The following UBTD1 variants were observed in gnomAD, a reference collection of about 807,000 sequenced individuals.
The protein encoded by UBTD1 is ubiquitin domain containing 1.
UBTD1 carries 19 observed loss-of-function variants against 21.7 expected under a neutral mutation model. The observed-to-expected ratio is 0.87, with a 90% CI of 0.61 to 1.28. UBTD1 has a LOEUF of 1.28. UBTD1 is among the 50% of genes most tolerant of loss of function. The pLI is 0.00. For synonymous variants in UBTD1, 116 were observed against 135.1 expected (o/e 0.86, Z 0.98); for missense variants, 282 against 315.1 (o/e 0.89, Z 0.80).
intron 1 of UBTD1, among the ~76,000 whole-genome samples, chr10:97,504,647 G>T (rs1292823611): frequency 6.6e-6 from 1 of 152,198 alleles, no homozygotes; most frequent in Non-Finnish European, 1.5e-5. Context: ...TGTTGTCAGA[G>T]ATTTTTATTT....
At chr10:97,551,555 C>T (rs919866388) in intron 1 of UBTD1, among the ~76,000 whole-genome samples, 1 of 152,306 alleles carries the variant, frequency 6.6e-6, no homozygotes, top group East Asian at 1.9e-4. Flanking sequence ...TGAAGCTTAT[C>T]TAGGACAGGA....
intron 1 of UBTD1, among the ~76,000 whole-genome samples, chr10:97,514,509 C>G (rs2040436042): frequency 6.6e-6 from 1 of 152,140 alleles, no homozygotes; most frequent in Non-Finnish European, 1.5e-5. Context: ...AGGGGAGAAA[C>G]TATATATAGC....
chr10:97,567,525 G>C (rs1031181018), intron 1 of UBTD1, among the ~76,000 whole-genome samples: 16 of 151,846 alleles, frequency 1.1e-4, no homozygotes, highest in African/African-American at 3.4e-4. Context: ...CAGGCGTGGT[G>C]GTGGGCGCCT....
rs1259300204 is a variant in UBTD1 at position 97,570,048 on chromosome 10, G to A, written c.299-90G>A. The stretch of plus-strand genomic sequence containing the variant: ...AAATACAGTCACATTGGGGGTTAGA[G>A]TTTCACCATATGAATTTGGGGGGAC... On this transcript the variant is annotated intron_variant, in intron 2 of 2. Transcript: ENST00000370664. This position sits in a 1 kb window ranked among gnomAD's most constrained non-coding sequence, Gnocchi z 6.6. The A allele has an allele frequency of 4.0e-6, 6 of 1,502,628 alleles. No homozygotes were observed. The highest frequency in any genetic ancestry group is 2.0e-5 in the Admixed American group (1 of 49,520). The allele number at this position is 1,502,628 out of a possible 1,614,324, so 93.1% of individuals were successfully genotyped here.
chr10:97,550,228 A>T (rs78777683), intron 1 of UBTD1, among the ~76,000 whole-genome samples: 2 of 152,172 alleles, frequency 1.3e-5, no homozygotes, highest in African/African-American at 4.8e-5. Context: ...TGTTGGCCCC[A>T]TCCCTGGAGT....
intron 1 of UBTD1, among the ~76,000 whole-genome samples, chr10:97,506,410 A>C (rs1203286899): frequency 6.6e-6 from 1 of 152,102 alleles, no homozygotes; most frequent in Non-Finnish European, 1.5e-5. Flanking sequence ...GTTTCCACCT[A>C]CAATCATTGC....
At chr10:97,526,204 G>T (rs1316887381) in intron 1 of UBTD1, among the ~76,000 whole-genome samples, 7 of 152,222 alleles carry the variant, frequency 4.6e-5, no homozygotes, top group Non-Finnish European at 8.8e-5. Flanking sequence ...AAGCACTCTT[G>T]TGCACTGCTG....
chr10:97,536,847 G>A lies in UBTD1; in HGVS notation c.71-31067G>A, dbSNP rs950139334. ...CTTTATGCCACTTCCTGCTTGTCCA[G>A]TGGTGGAGTCATTCGGTCATACATT... is the stretch of plus-strand genomic sequence containing the variant. On this transcript the variant is annotated intron_variant, in intron 1 of 2. Coordinates refer to ENST00000370664, the MANE Select transcript of UBTD1 (RefSeq NM_024954.5). Among the ~76,000 whole-genome samples the A allele has an allele frequency of 3.3e-5, 5 of 152,020 alleles. No homozygotes were observed. In the South Asian group the frequency reaches 8.3e-4, roughly 25 times the overall value.
intron 1 of UBTD1, among the ~76,000 whole-genome samples, chr10:97,516,010 A>AC (rs2040442686): frequency 6.6e-6 from 1 of 152,256 alleles, no homozygotes; most frequent in African/African-American, 2.4e-5. Flanking sequence ...GGAACATTTA[A>AC]TAGCCACATA....
At chr10:97,549,976 T>C (rs1448393878) in intron 1 of UBTD1, among the ~76,000 whole-genome samples, 1 of 152,226 alleles carries the variant, frequency 6.6e-6, no homozygotes, top group African/African-American at 2.4e-5. Flanking sequence ...TCCTGACCCC[T>C]TGTTCCCGCT....
At chr10:97,530,532 T>C (rs763978662) in intron 1 of UBTD1, among the ~76,000 whole-genome samples, 1 of 152,116 alleles carries the variant, frequency 6.6e-6, no homozygotes, top group African/African-American at 2.4e-5. Flanking sequence ...AAAAACAGGA[T>C]TTTTTTGAAG....
chr10:97,507,741 A>G (rs934194528), intron 1 of UBTD1, among the ~76,000 whole-genome samples: 10 of 140,860 alleles, frequency 7.1e-5, no homozygotes, highest in Non-Finnish European at 1.4e-4. Flanking sequence ...GCACCACTGC[A>G]CTCAAGCCTA....
Position 97,570,229 on chromosome 10 carries a change from C to T in UBTD1, c.390C>T (p.His130=), listed in dbSNP as rs762655259. The T allele has an allele frequency of 3.3e-5, 54 of 1,613,216 alleles. No homozygotes were observed. The highest frequency in any genetic ancestry group is 3.5e-5 in the Non-Finnish European group (41 of 1,180,028). Residue 130 remains histidine, a synonymous_variant, in exon 3 of 3, where the codon CAC becomes CAT. Coordinates refer to ENST00000370664, the MANE Select transcript of UBTD1 (RefSeq NM_024954.5). This position sits in a 1 kb window ranked among gnomAD's most constrained non-coding sequence, Gnocchi z 6.6. ...CGCCGGTGAACCTGCTGCTGGAGCA[C>T]ACGGAGGAGGAGAGCCTGGAGCCCC... is the stretch of plus-strand genomic sequence containing the variant. ...LSPPVNLLLE[H]TEEESLEPPE... is the part of the protein sequence containing the mutation.
intron 1 of UBTD1, among the ~76,000 whole-genome samples, chr10:97,509,842 G>A (rs905516860): frequency 6.6e-6 from 1 of 151,950 alleles, no homozygotes; most frequent in Non-Finnish European, 1.5e-5. Flanking sequence ...TAGGAGAGAC[G>A]GGGTTTCACC....
intron 1 of UBTD1, among the ~76,000 whole-genome samples, chr10:97,556,579 A>AT (rs2040665083): frequency 6.6e-6 from 1 of 152,058 alleles, no homozygotes; most frequent in Non-Finnish European, 1.5e-5. Flanking sequence ...GTATTATATG[A>AT]TTTTTTCAGG....
chr10:97,528,784 C>T (rs2040507865), intron 1 of UBTD1, among the ~76,000 whole-genome samples: 3 of 140,310 alleles, frequency 2.1e-5, no homozygotes. Flanking sequence ...ACTCCCCCAC[C>T]TCCCTCCCGG....
chr10:97,546,343 C>A (rs2040610488), intron 1 of UBTD1, among the ~76,000 whole-genome samples: 1 of 151,958 alleles, frequency 6.6e-6, no homozygotes, highest in Admixed American at 6.6e-5. Context: ...AGTCCCAGCA[C>A]TTTGGGAGGC....
intron 1 of UBTD1, among the ~76,000 whole-genome samples, chr10:97,531,837 C>T (rs1039668223): frequency 3.3e-5 from 5 of 152,102 alleles, no homozygotes; most frequent in Non-Finnish European, 7.4e-5. Flanking sequence ...CAGGTGAGGG[C>T]GGAGCATGAG....
chr10:97,530,640 G>A (rs1474648905), intron 1 of UBTD1, among the ~76,000 whole-genome samples: 1 of 152,052 alleles, frequency 6.6e-6, no homozygotes, highest in Non-Finnish European at 1.5e-5. Context: ...AAGCAGCAGG[G>A]GTTGAGAACC....
Sources: allele counts gnomAD v4.1 joint callset (sites outside exome capture counted in the v4.1 genomes callset), GRCh38; gene constraint gnomAD v4.1.1; non-coding constraint Gnocchi (gnomAD v3.1); transcripts MANE v1.5; gene names NCBI Gene and HGNC (gene_info 2026-07-23, HGNC 2026-07-21).